PLA2G2C: variants seen among roughly 807,000 people sequenced by gnomAD.
PLA2G2C encodes the protein phospholipase A2 group IIC, also known as putative inactive group IIC secretory phospholipase A2.
A neutral mutation model predicts 14.3 loss-of-function variants in PLA2G2C; 15 were observed. The ratio of observed to expected loss-of-function variants is 1.05; its 90% confidence interval spans 0.70 to 1.62. The LOEUF (loss-of-function observed/expected upper bound fraction) is 1.62. PLA2G2C is among the 40% of genes most tolerant of loss of function. The pLI is 0.00. For synonymous variants in PLA2G2C, 79 were observed against 67.7 expected (o/e 1.17, Z -0.82); for missense variants, 162 against 173.2 (o/e 0.94, Z 0.36).
intron 4 of PLA2G2C, among the ~76,000 whole-genome samples, chr1:20,165,791 C>T (rs908933453): frequency 3.3e-5 from 5 of 151,700 alleles, no homozygotes; most frequent in South Asian, 4.2e-4. Context: ...CATGTGTGTG[C>T]GTGCATTGTG....
chr1:20,164,209 G>T (rs1334985139), intron 4 of PLA2G2C, 52 bp from the exon 5 acceptor site: 1 of 1,566,722 alleles, frequency 6.4e-7, no homozygotes, highest in Non-Finnish European at 8.6e-7. Context: ...CCCAGGGTTT[G>T]GTTCTAAGGC....
intron 4 of PLA2G2C, among the ~76,000 whole-genome samples, chr1:20,168,975 T>C (rs943958136): frequency 1.6e-4 from 25 of 151,908 alleles, no homozygotes; most frequent in African/African-American, 5.6e-4. Flanking sequence ...ACATTTAGAG[T>C]CGTGGACAGA....
rs141445259 is a variant in PLA2G2C, at chr1:20,180,253, G to A, written c.-76-2814C>T. Among the ~76,000 whole-genome samples the A allele has an allele frequency of 4.5e-3, 690 of 152,286 alleles. 4 individuals are homozygous for A. The highest frequency in any genetic ancestry group is 0.015 in the African/African-American group (616 of 41,560). On this transcript the variant is annotated intron_variant, in intron 1 of 4. Transcript: ENST00000679259. ...AGTCTGTTTCTAGGGAGCTCAGCCT[G>A]CATCCATGTGGAATGATAAGCACTG...
At chr1:20,166,762 T>C (rs917067404) in intron 4 of PLA2G2C, among the ~76,000 whole-genome samples, 2 of 152,228 alleles carry the variant, frequency 1.3e-5, no homozygotes, top group Non-Finnish European at 2.9e-5. Context: ...CTGTCCTTTC[T>C]AATGCGTGCA....
At chr1:20,173,567 G>A (rs1374968232) in intron 3 of PLA2G2C, among the ~76,000 whole-genome samples, 2 of 152,204 alleles carry the variant, frequency 1.3e-5, no homozygotes, top group Non-Finnish European at 2.9e-5. Flanking sequence ...AGCACCTACT[G>A]TGAGTCAGGC....
At position 20,163,901 on chromosome 1, in the gene PLA2G2C, C is replaced by A; in HGVS notation, c.*90G>T. On this transcript the variant is annotated 3_prime_UTR_variant, in exon 5 of 5. Coordinates refer to ENST00000679259, the MANE Select transcript of PLA2G2C (RefSeq NM_001367969.2). The stretch of plus-strand genomic sequence containing the variant: ...TTTGTCCTCCCTCCCAGTGGAAGAA[C>A]AGGGGCCTGTTGGGGATGATCTGAG... The A allele has an allele frequency of 7.2e-7, 1 of 1,389,314 alleles. No homozygotes were observed. Among genetic ancestry groups the A allele is most frequent in the East Asian group, 2.5e-5 (1 of 39,450 alleles). 86.1% of individuals were successfully genotyped at this position (1,389,314 alleles called of 1,614,324 possible). A position where few individuals can be genotyped will look rare whatever the true frequency, so the allele number is the denominator to read the frequency against.
chr1:20,179,639 G>T (rs915469023), intron 1 of PLA2G2C, among the ~76,000 whole-genome samples: 9 of 142,930 alleles, frequency 6.3e-5, no homozygotes, highest in African/African-American at 2.4e-4. Context: ...GTGTGTGTGT[G>T]TTAGCTTGTC....
chr1:20,178,211 GGGTTGCAGCCCTGCCATGGA>G (rs2018217834), intron 1 of PLA2G2C, among the ~76,000 whole-genome samples: 1 of 152,188 alleles, frequency 6.6e-6, no homozygotes, highest in Non-Finnish European at 1.5e-5. Context: ...AGAAGAATGT[GGGTTGCAGCCCTGCCATGGA>G]GCTGCCAGGG....
intron 1 of PLA2G2C, among the ~76,000 whole-genome samples, chr1:20,179,180 T>C (rs1000030539): frequency 3.3e-5 from 5 of 152,070 alleles, no homozygotes; most frequent in African/African-American, 1.2e-4. Context: ...CAACTGCCTC[T>C]GTGTGTCAAC....
chr1:20,183,136 G>A (rs1029422540), intron 1 of PLA2G2C, among the ~76,000 whole-genome samples: 35 of 152,228 alleles, frequency 2.3e-4, no homozygotes, highest in Non-Finnish European at 5.9e-5. Context: ...TGCAACAAGA[G>A]TTAGTAGCCC....
chr1:20,185,099 G>A (rs1465709618), intron 1 of PLA2G2C, among the ~76,000 whole-genome samples: 1 of 152,152 alleles, frequency 6.6e-6, no homozygotes, highest in Non-Finnish European at 1.5e-5. Context: ...TTGCACCACT[G>A]CACTCCAGCC....
intron 1 of PLA2G2C, chr1:20,184,263 AT>A (rs2018327666): frequency 6.6e-6 from 1 of 152,274 alleles, no homozygotes; most frequent in South Asian, 2.1e-4. Context: ...AAAGGATTGT[AT>A]AATTCTTAGG....
At chr1:20,176,548 A>G (rs1464973433) in intron 2 of PLA2G2C, among the ~76,000 whole-genome samples, 1 of 152,224 alleles carries the variant, frequency 6.6e-6, no homozygotes, top group Admixed American at 6.5e-5. Flanking sequence ...GAAGAAACCC[A>G]TGGGCGGTCA....
At chr1:20,176,100 G>T (rs2018178770) in intron 2 of PLA2G2C, among the ~76,000 whole-genome samples, 1 of 151,944 alleles carries the variant, frequency 6.6e-6, no homozygotes, top group African/African-American at 2.4e-5. Context: ...TAATAGAGAC[G>T]GGGTTTCACC....
Position 20,165,745 on chromosome 1 carries a change from T to C in PLA2G2C, c.284-1588A>G, listed in dbSNP as rs150322929. On this transcript the variant is annotated intron_variant, in intron 4 of 4. Transcript: ENST00000679259. Reference sequence around the variant, plus strand: ...ATGTGTATGCTTGTGTGTGCAGGTATGTGTCCATGTGTGCATGTGTGTGTA... The same window carrying C: ...ATGTGTATGCTTGTGTGTGCAGGTACGTGTCCATGTGTGCATGTGTGTGTA... 6.9e-3 allele frequency among the ~76,000 whole-genome samples: 1,047 copies of C among 152,076 alleles called. 4 individuals are homozygous for C. The highest frequency in any genetic ancestry group is 0.011 in the South Asian group (53 of 4,806).
At position 20,172,826 on chromosome 1, in the gene PLA2G2C, T is replaced by C. The variant is rs1402149594; in HGVS notation, c.251A>G (p.Tyr84Cys). The change falls in exon 4 of 5, where the codon TAC (tyrosine) becomes TGC (cysteine). Residue 84 changes from tyrosine (Y) to cysteine (C), a missense_variant. Transcript: ENST00000679259. ...EFSCQPVLNS[Y>C]QFHIVNGAVV... ...TGCGCCATTGACGATGTGGAACTGG[T>C]AGCTGTTCAACACAGGCTGGCAGCT... 1 of 1,613,750 alleles carries C rather than the reference T, an allele frequency of 6.2e-7. No individual in the cohort carries two copies. Among genetic ancestry groups the C allele is most frequent in the Non-Finnish European group, 8.5e-7 (1 of 1,179,848 alleles).
intron 1 of PLA2G2C, among the ~76,000 whole-genome samples, chr1:20,180,793 A>G (rs908509933): frequency 2.6e-5 from 4 of 152,258 alleles, no homozygotes; most frequent in Non-Finnish European, 4.4e-5. Context: ...TGTAGAAAGC[A>G]TGGCATGGCC....
intron 4 of PLA2G2C, among the ~76,000 whole-genome samples, chr1:20,168,497 A>G (rs2018013896): frequency 6.6e-6 from 1 of 152,238 alleles, no homozygotes; most frequent in African/African-American, 2.4e-5. Flanking sequence ...GCACACAGAC[A>G]CAGAGAAGTA....
chr1:20,177,396 A>T lies in PLA2G2C; in HGVS notation c.-33T>A. The T allele has an allele frequency of 1.5e-6, 1 of 676,732 alleles. No individual in the cohort carries two copies. The highest frequency in any genetic ancestry group is 2.7e-6 in the Non-Finnish European group (1 of 373,676). The allele number at this position is 676,732 out of a possible 1,614,324, so 41.9% of individuals were successfully genotyped here. On this transcript the variant is annotated 5_prime_UTR_variant, in exon 2 of 5. Transcript: ENST00000679259. ...GAGACCAGGGGGTCTGAGGTTCTAC[A>T]GCCACGCCTTCACCTGTGTGTGAGG...
Sources: allele counts gnomAD v4.1 joint callset (sites outside exome capture counted in the v4.1 genomes callset), GRCh38; gene constraint gnomAD v4.1.1; transcripts MANE v1.5; gene names NCBI Gene and HGNC (gene_info 2026-07-23, HGNC 2026-07-21).